Variants in STK4 observed in about 807,000 individuals in gnomAD.
STK4 encodes the protein serine/threonine kinase 4, also known as serine/threonine-protein kinase 4.
A neutral mutation model predicts 64.9 loss-of-function variants in STK4; 30 were observed. That is an observed-to-expected ratio of 0.46 (90% CI 0.35 to 0.63). The LOEUF (loss-of-function observed/expected upper bound fraction) is 0.63, where lower values mean the gene tolerates loss of function less well. Ranked by LOEUF, STK4 falls within the 20% of genes least tolerant of loss-of-function variation. The pLI, the probability that STK4 is intolerant of heterozygous loss-of-function variation, is 0.01. For synonymous variants in STK4, 177 were observed against 199.0 expected, an observed-to-expected ratio of 0.89 and a Z score of 0.93; for missense variants, 466 against 598.5, an observed-to-expected ratio of 0.78 and a Z score of 2.31.
intron 1 of STK4, among the ~76,000 whole-genome samples, chr20:44,971,304 G>A (rs1489388544): frequency 6.6e-6 from 1 of 152,106 alleles, no homozygotes. Context: ...ACTAGTCAAA[G>A]GTATGTATCT....
At chr20:45,068,877 G>A (rs944596128) in intron 10 of STK4, among the ~76,000 whole-genome samples, 7 of 152,220 alleles carry the variant, frequency 4.6e-5, no homozygotes, top group African/African-American at 1.7e-4. Flanking sequence ...TCTATGTGTA[G>A]AATCCAACAG....
At chr20:44,999,323 T>G (rs1345676303) in intron 7 of STK4, among the ~76,000 whole-genome samples, 1 of 152,180 alleles carries the variant, frequency 6.6e-6, no homozygotes, top group African/African-American at 2.4e-5. Context: ...TCTACCTGGA[T>G]GGGGTAGTGA....
At chr20:45,013,867 T>C (rs747893120) in intron 9 of STK4, among the ~76,000 whole-genome samples, 6 of 152,164 alleles carry the variant, frequency 3.9e-5, no homozygotes, top group Non-Finnish European at 8.8e-5. Context: ...TTGTGGGTTT[T>C]GTTAATTTTG....
At chr20:45,046,378 C>T (rs1163355553) in intron 10 of STK4, among the ~76,000 whole-genome samples, 2 of 150,214 alleles carry the variant, frequency 1.3e-5, no homozygotes, top group Non-Finnish European at 3.0e-5. Context: ...GAGGCTGCAG[C>T]AAGCCATGAC....
chr20:45,009,587 T>C (rs2068009228), intron 9 of STK4, among the ~76,000 whole-genome samples: 1 of 152,196 alleles, frequency 6.6e-6, no homozygotes, highest in Admixed American at 6.5e-5. Context: ...TTGGCAATTT[T>C]ATAGGAATAG....
intron 10 of STK4, among the ~76,000 whole-genome samples, chr20:45,063,532 C>G (rs1461095385): frequency 6.6e-6 from 1 of 152,180 alleles, no homozygotes; most frequent in Non-Finnish European, 1.5e-5. Context: ...TCCTCCCATT[C>G]TGTAAGTTGT....
Position 45,062,989 on chromosome 20 carries a change from C to CTTTTTTTTTTTTTTTTTTT in STK4, c.1306-12017_1306-11999dup, listed in dbSNP as rs71197599. Among the ~76,000 whole-genome samples, 12 of 31,500 alleles carry CTTTTTTTTTTTTTTTTTTT rather than the reference C, an allele frequency of 3.8e-4. 3 individuals are homozygous for CTTTTTTTTTTTTTTTTTTT. The highest frequency in any genetic ancestry group is 4.1e-4 in the Non-Finnish European group (7 of 17,128). 20.7% of individuals were successfully genotyped at this position (31,500 alleles called of 152,430 possible). On this transcript the variant is annotated intron_variant, in intron 10 of 10. Transcript: ENST00000372806. ...ACAGGTGTGAGCCACCGCACCCGGC[C>CTTTTTTTTTTTTTTTTTTT]TTTTTTTTTTTTTTTTTTTTTTTTT... is the stretch of plus-strand genomic sequence containing the variant.
At chr20:45,060,079 A>G (rs2145457797) in intron 10 of STK4, among the ~76,000 whole-genome samples, 1 of 152,288 alleles carries the variant, frequency 6.6e-6, no homozygotes, top group Non-Finnish European at 1.5e-5. Context: ...TATATTAGAT[A>G]TAGTCTTTAA....
chr20:45,008,545 T>G (rs1012115505), intron 9 of STK4, among the ~76,000 whole-genome samples: 10 of 152,228 alleles, frequency 6.6e-5, no homozygotes, highest in Non-Finnish European at 1.5e-4. Flanking sequence ...TAAAATGATT[T>G]ATTTTCCTTT....
chr20:44,981,202 T>TG (rs2067432580), intron 3 of STK4, among the ~76,000 whole-genome samples: 1 of 152,106 alleles, frequency 6.6e-6, no homozygotes, highest in Non-Finnish European at 1.5e-5. Context: ...TCGCCCAGGC[T>TG]GGAGTGCAGT....
At chr20:44,975,448 G>A (rs2067323480) in intron 2 of STK4, 2 of 853,258 alleles carry the variant, frequency 2.3e-6, no homozygotes, top group Non-Finnish European at 2.8e-6. Flanking sequence ...CTGAGTGAGT[G>A]TATGAAGAGA....
intron 9 of STK4, among the ~76,000 whole-genome samples, chr20:45,011,729 A>ATATATATATT (rs60170856): frequency 2.6e-5 from 3 of 115,400 alleles, no homozygotes; most frequent in African/African-American, 1.1e-4. Context: ...ATATATATAT[A>ATATATATATT]TTTTTTTTTT....
At chr20:45,047,424 A>G (rs1335227601) in intron 10 of STK4, among the ~76,000 whole-genome samples, 1 of 152,206 alleles carries the variant, frequency 6.6e-6, no homozygotes, top group African/African-American at 2.4e-5. Flanking sequence ...CAGATGCTGC[A>G]TCTTTTCTTT....
At chr20:45,011,725 ATATATTTTTT>A (rs1179250165) in intron 9 of STK4, among the ~76,000 whole-genome samples, 21 of 107,000 alleles carry the variant, frequency 2.0e-4, no homozygotes, top group Non-Finnish European at 2.7e-4. Flanking sequence ...ATATATATAT[ATATATTTTTT>A]TTTTTTTTTT....
In STK4 at chr20:44,997,197, C is replaced by T. The variant is rs1279829809; in HGVS notation, c.722C>T (p.Pro241Leu). ...RAIFMIPTNPPPTFRKPELWS... is the reference protein window; with the variant it reads ...RAIFMIPTNPLPTFRKPELWS... ...ATCTTCATGATTCCTACAAATCCTCCTCCCACATTCCGAAAACCAGAGCTA... is the reference window on the plus strand; with the variant it reads ...ATCTTCATGATTCCTACAAATCCTCTTCCCACATTCCGAAAACCAGAGCTA... Residue 241 changes from proline (P) to leucine (L), a missense_variant, in exon 7 of 11, where the codon CCT (proline) becomes CTT (leucine). Pro to Leu is a moderately conservative substitution (Grantham distance 98). Coordinates refer to ENST00000372806, the MANE Select transcript of STK4 (RefSeq NM_006282.5). 5.6e-6 allele frequency: 9 copies of T among 1,613,880 alleles called. No individual in the cohort carries two copies. Among genetic ancestry groups the T allele is most frequent in the Non-Finnish European group, 6.8e-6 (8 of 1,179,906 alleles).
intron 1 of STK4, among the ~76,000 whole-genome samples, chr20:44,966,903 A>T (rs1176525291): frequency 6.6e-6 from 1 of 152,114 alleles, no homozygotes; most frequent in African/African-American, 2.4e-5. Flanking sequence ...GGGGAACGCT[A>T]TCCAAGCAGG....
At chr20:45,013,102 GT>G (rs1237012977) in intron 9 of STK4, among the ~76,000 whole-genome samples, 1 of 151,266 alleles carries the variant, frequency 6.6e-6, no homozygotes, top group Non-Finnish European at 1.5e-5. Flanking sequence ...CCTGGCCAAG[GT>G]TTTTTTCTTA....
intron 10 of STK4, among the ~76,000 whole-genome samples, chr20:45,063,976 T>G (rs1280491630): frequency 6.6e-6 from 1 of 151,956 alleles, no homozygotes; most frequent in African/African-American, 2.4e-5. Flanking sequence ...CCCGGCTAAT[T>G]TTTTGTATGT....
rs371822698 is a variant in STK4, at chr20:45,022,433, A to C, written c.1148-2540A>C. 5.3e-5 allele frequency among the ~76,000 whole-genome samples: 8 copies of C among 152,296 alleles called. 1 individual carries two copies. The highest frequency in any genetic ancestry group is 1.9e-4 in the East Asian group (1 of 5,190). On this transcript the variant is annotated intron_variant, in intron 9 of 10. Transcript: ENST00000372806. Reference sequence around the variant, plus strand: ...GAGACAAAGAACAGTTGGTGTTTTAACTCCAAAAATTAGAAATTTTTAAGT... The same window carrying C: ...GAGACAAAGAACAGTTGGTGTTTTACCTCCAAAAATTAGAAATTTTTAAGT...
Sources: allele counts gnomAD v4.1 joint callset (sites outside exome capture counted in the v4.1 genomes callset), GRCh38; gene constraint gnomAD v4.1.1; transcripts MANE v1.5; gene names NCBI Gene and HGNC (gene_info 2026-07-23, HGNC 2026-07-21).